CEP85L: variants seen among roughly 807,000 people sequenced by gnomAD.
CEP85L encodes centrosomal protein of 85 kDa-like.
Under a neutral mutation model 100.3 loss-of-function variants are expected in CEP85L, and 60 were observed. That is an observed-to-expected ratio of 0.60 (90% CI 0.49 to 0.74). The LOEUF is 0.74. CEP85L is among the 30% of genes least tolerant of loss of function. The pLI is 0.00. For missense variants in CEP85L, 973 were observed against 936.2 expected (o/e 1.04, Z -0.51); for synonymous variants, 319 against 322.7 (o/e 0.99, Z 0.12).
chr6:118,679,852 A>G (rs549771518), intron 1 of CEP85L, among the ~76,000 whole-genome samples: 1 of 152,228 alleles, frequency 6.6e-6, no homozygotes, highest in African/African-American at 2.4e-5. Context: ...GAGTGGGAGG[A>G]GATATGAATG....
At chr6:118,702,995 CAAAAA>C (rs34426942) in intron 1 of CEP85L, among the ~76,000 whole-genome samples, 1 of 93,692 alleles carries the variant, frequency 1.1e-5, no homozygotes. Context: ...GACTCTGTCT[CAAAAA>C]AAAAAAAAAA....
intron 1 of CEP85L, among the ~76,000 whole-genome samples, chr6:118,636,925 A>T (rs1208798279): frequency 1.3e-5 from 2 of 152,194 alleles, no homozygotes. Flanking sequence ...ATTAAATGCT[A>T]TTGGCTCTGT....
At chr6:118,472,398 A>C (rs1323445248) in intron 10 of CEP85L, among the ~76,000 whole-genome samples, 1 of 152,152 alleles carries the variant, frequency 6.6e-6, no homozygotes, top group African/African-American at 2.4e-5. Context: ...TAGGTAAAAG[A>C]CATTGCAGAT....
chr6:118,553,511 A>T (rs1239986468), intron 3 of CEP85L, among the ~76,000 whole-genome samples: 2 of 152,194 alleles, frequency 1.3e-5, no homozygotes, highest in African/African-American at 4.8e-5. Flanking sequence ...CAATAAATTA[A>T]ATGTATATCA....
intron 2 of CEP85L, among the ~76,000 whole-genome samples, chr6:118,597,793 T>C (rs1435850638): frequency 6.6e-6 from 1 of 152,172 alleles, no homozygotes; most frequent in African/African-American, 2.4e-5. Flanking sequence ...CAGCTAGCCA[T>C]TGTCATGAAA....
At chr6:118,640,901 C>T (rs1774822627) in intron 1 of CEP85L, among the ~76,000 whole-genome samples, 1 of 152,008 alleles carries the variant, frequency 6.6e-6, no homozygotes, top group Admixed American at 6.6e-5. Context: ...TATTACTGTC[C>T]ATGCATAGAA....
chr6:118,679,834 A>G (rs1404301165), intron 1 of CEP85L, among the ~76,000 whole-genome samples: 1 of 152,146 alleles, frequency 6.6e-6, no homozygotes, highest in Admixed American at 6.5e-5. Context: ...TTTAACTACA[A>G]TGGAACTGAG....
chr6:118,577,523 G>A (rs973365224), intron 2 of CEP85L, among the ~76,000 whole-genome samples: 1 of 152,090 alleles, frequency 6.6e-6, no homozygotes, highest in Admixed American at 6.5e-5. Context: ...TATTGTTCTC[G>A]TGGGTAACTA....
chr6:118,624,390 T>C (rs1773650427), intron 2 of CEP85L, among the ~76,000 whole-genome samples: 1 of 152,086 alleles, frequency 6.6e-6, no homozygotes, highest in South Asian at 2.1e-4. Flanking sequence ...TTTAACAATT[T>C]ACTCCTTCTT....
upstream of CEP85L, chr6:118,710,078 G>C (rs1039594224): frequency 6.6e-6 from 1 of 152,142 alleles, no homozygotes; most frequent in Non-Finnish European, 1.5e-5. Context: ...TGATAGGCAG[G>C]AAATGGGTAT....
At position 118,637,703 on chromosome 6, in the gene CEP85L, CAAAAAAAAAAA is replaced by C. The variant is rs11388747; in HGVS notation, c.74-5103_74-5093del. 1.5e-3 allele frequency among the ~76,000 whole-genome samples: 68 copies of C among 45,424 alleles called. No homozygotes were observed. The South Asian group carries it at 0.02, about 13-fold the overall frequency. The allele number at this position is 45,424 out of a possible 152,430, so 29.8% of individuals were successfully genotyped here. A position where few individuals can be genotyped will look rare whatever the true frequency, so the allele number is the denominator to read the frequency against. ...CCTGGGTAATAAAGCAAGACTGTCT[CAAAAAAAAAAA>C]AAAAAAAAAAAAGTTGTCTATATAT... On this transcript the variant is annotated intron_variant, in intron 1 of 12. Coordinates refer to ENST00000368491, the MANE Select transcript of CEP85L (RefSeq NM_001042475.3).
chr6:118,482,549 C>T (rs1239296445), intron 7 of CEP85L, among the ~76,000 whole-genome samples: 4 of 152,166 alleles, frequency 2.6e-5, no homozygotes, highest in Non-Finnish European at 4.4e-5. Flanking sequence ...CTTGTTAAGG[C>T]GAACAGGATT....
chr6:118,645,765 T>C (rs992969061), intron 1 of CEP85L, among the ~76,000 whole-genome samples: 1 of 152,260 alleles, frequency 6.6e-6, no homozygotes, highest in Non-Finnish European at 1.5e-5. Flanking sequence ...TTATCTTTCT[T>C]GTTCAATGAT....
intron 1 of CEP85L, among the ~76,000 whole-genome samples, chr6:118,632,958 T>C (rs1020539125): frequency 6.6e-6 from 1 of 152,208 alleles, no homozygotes; most frequent in Non-Finnish European, 1.5e-5. Flanking sequence ...CATCTGTGAT[T>C]ATACATACAT....
chr6:118,656,662 T>C (rs78937625), upstream of CEP85L: 1 of 152,360 alleles, frequency 6.6e-6, no homozygotes, highest in African/African-American at 2.4e-5. Flanking sequence ...GATGTACATA[T>C]TTTGGGCATA....
chr6:118,647,093 T>A, intron 1 of CEP85L: 2 of 984,250 alleles, frequency 2.0e-6, no homozygotes, highest in Non-Finnish European at 2.4e-6. Context: ...TGTTTCATTG[T>A]TACCACAGTA....
chr6:118,522,112 G>A (rs1776704259), intron 4 of CEP85L, among the ~76,000 whole-genome samples: 1 of 152,128 alleles, frequency 6.6e-6, no homozygotes, highest in Admixed American at 6.5e-5. Flanking sequence ...TGTAATCCCA[G>A]CACTTGGGGA....
intron 5 of CEP85L, among the ~76,000 whole-genome samples, chr6:118,510,072 C>T (rs1036144031): frequency 2.0e-5 from 3 of 151,998 alleles, no homozygotes; most frequent in Non-Finnish European, 4.4e-5. Context: ...ACTTGTTTTC[C>T]TATATGGTCT....
chr6:118,534,407 C>T (rs1236591064), intron 3 of CEP85L, among the ~76,000 whole-genome samples: 1 of 151,404 alleles, frequency 6.6e-6, no homozygotes, highest in Non-Finnish European at 1.5e-5. Context: ...AATCCCAGCA[C>T]TTTGGGAGGC....
Sources: gnomAD v4.1 joint callset for allele counts (sites outside exome capture counted in the v4.1 genomes callset) on GRCh38, gnomAD v4.1.1 for gene constraint, MANE v1.5 for transcripts, NCBI Gene and HGNC (gene_info 2026-07-23, HGNC 2026-07-21) for gene names.